Variants in FER observed in about 807,000 individuals in gnomAD.
FER encodes tyrosine-protein kinase Fer.
Under a neutral mutation model 111.0 loss-of-function variants are expected in FER, and 63 were observed. The ratio of observed to expected loss-of-function variants is 0.57; its 90% CI spans 0.46 to 0.70. The LOEUF (loss-of-function observed/expected upper bound fraction) is 0.70, where lower values mean the gene tolerates loss of function less well. Ranked by LOEUF, FER falls within the 30% of genes least tolerant of loss-of-function variation. The pLI, the probability that FER is intolerant of heterozygous loss-of-function variation, is 0.00. For synonymous variants in FER, 327 were observed against 313.9 expected, an observed-to-expected ratio of 1.04 and a Z score of -0.44; for missense variants, 914 against 954.0, an observed-to-expected ratio of 0.96 and a Z score of 0.55.
In FER at chr5:108,998,171, C is replaced by G. The variant is rs569943618; in HGVS notation, c.1656+38824C>G. ...TTCTGTCTTGCTGGCGTTCCAGGCA[C>G]CACCGGGGTATGAAAAAAAAAAAAA... is the stretch of plus-strand genomic sequence containing the variant. On this transcript the variant is annotated intron_variant, in intron 13 of 19. Transcript: ENST00000281092. Among the ~76,000 whole-genome samples, 10 of 147,484 alleles carry G rather than the reference C, an allele frequency of 6.8e-5. No homozygotes were observed. The South Asian group carries it at 2.2e-3, about 33-fold the overall frequency.
chr5:109,072,953 A>G (rs1775934447), intron 16 of FER, among the ~76,000 whole-genome samples: 1 of 152,104 alleles, frequency 6.6e-6, no homozygotes, highest in Admixed American at 6.6e-5. Context: ...CTGCAATCAC[A>G]TAGCCTTCTT....
At chr5:108,879,701 A>AAAAATATATATATATATATATATATAT in intron 8 of FER, among the ~76,000 whole-genome samples, 5 of 99,128 alleles carry the variant, frequency 5.0e-5, no homozygotes, top group African/African-American at 2.4e-4. Context: ...ATTAAAAAAA[A>AAAAATATATATATATATATATATATAT]ATATATATAT....
At chr5:108,781,594 T>A (rs1346713349) in intron 2 of FER, among the ~76,000 whole-genome samples, 3 of 152,208 alleles carry the variant, frequency 2.0e-5, no homozygotes, top group Non-Finnish European at 4.4e-5. Context: ...TTTAGTAATG[T>A]GGCAGTAAGG....
intron 10 of FER, among the ~76,000 whole-genome samples, chr5:108,939,654 GA>G (rs1275669089): frequency 6.6e-6 from 1 of 151,820 alleles, no homozygotes; most frequent in Non-Finnish European, 1.5e-5. Flanking sequence ...CTCCTGGTTG[GA>G]TTTTATTAGC....
intron 5 of FER, among the ~76,000 whole-genome samples, chr5:108,837,614 G>C (rs978717811): frequency 2.6e-5 from 4 of 152,074 alleles, no homozygotes; most frequent in Admixed American, 6.5e-5. Flanking sequence ...AGAATTATTA[G>C]TTAGAAAAAG....
chr5:108,858,049 T>A lies in FER; in HGVS notation c.482-9718T>A, dbSNP rs186844478. On this transcript the variant is annotated intron_variant, in intron 5 of 19. Transcript: ENST00000281092. ...TGCTAGTGGAGTATCTTATTCTAGG[T>A]CCTGTTAATTGACAGACACAGGAAA... is the stretch of plus-strand genomic sequence containing the variant. 2.8e-4 allele frequency among the ~76,000 whole-genome samples: 42 copies of A among 152,300 alleles called. 1 individual carries two copies. Among genetic ancestry groups the A allele is most frequent in the African/African-American group, 9.9e-4 (41 of 41,570 alleles).
chr5:108,909,848 G>C (rs902173262), intron 10 of FER, among the ~76,000 whole-genome samples: 7 of 150,916 alleles, frequency 4.6e-5, no homozygotes, highest in African/African-American at 1.7e-4. Context: ...AACTTTTTAT[G>C]TTGGATAAAT....
At chr5:108,886,459 A>T (rs1747184485) in intron 9 of FER, among the ~76,000 whole-genome samples, 1 of 149,322 alleles carries the variant, frequency 6.7e-6, no homozygotes, top group African/African-American at 2.5e-5. Flanking sequence ...TATGTAACAT[A>T]CATAAATGTA....
chr5:108,957,584 A>G (rs1252599670), intron 12 of FER, among the ~76,000 whole-genome samples: 1 of 151,680 alleles, frequency 6.6e-6, no homozygotes, highest in Non-Finnish European at 1.5e-5. Context: ...CATATGATCT[A>G]GCAATCCCAC....
intron 13 of FER, among the ~76,000 whole-genome samples, chr5:109,018,768 A>G (rs571071414): frequency 6.6e-6 from 1 of 151,926 alleles, no homozygotes; most frequent in East Asian, 1.9e-4. Flanking sequence ...CAAGTTCTGT[A>G]AGCAAAATAT....
At chr5:108,905,166 A>G (rs1397973150) in intron 10 of FER, among the ~76,000 whole-genome samples, 1 of 152,096 alleles carries the variant, frequency 6.6e-6, no homozygotes, top group Non-Finnish European at 1.5e-5. Flanking sequence ...ACTCTTTTTC[A>G]TTAGGCCACA....
chr5:109,000,873 C>A (rs1273629981), intron 13 of FER, among the ~76,000 whole-genome samples: 2 of 152,172 alleles, frequency 1.3e-5, no homozygotes, highest in Non-Finnish European at 2.9e-5. Flanking sequence ...ATACTATAAA[C>A]ACCTCTACGC....
chr5:108,953,336 T>C (rs1182625944), intron 11 of FER, among the ~76,000 whole-genome samples: 2 of 152,016 alleles, frequency 1.3e-5, no homozygotes, highest in Non-Finnish European at 2.9e-5. Flanking sequence ...TTAAATATGA[T>C]ACAATATTAT....
At chr5:109,162,077 A>G (rs1479781533) in intron 17 of FER, among the ~76,000 whole-genome samples, 2 of 151,922 alleles carry the variant, frequency 1.3e-5, no homozygotes, top group Admixed American at 6.6e-5. Flanking sequence ...CATGTCCTAT[A>G]CCTACTTTTT....
chr5:109,138,768 C>T (rs1753183886), intron 17 of FER, among the ~76,000 whole-genome samples: 1 of 152,158 alleles, frequency 6.6e-6, no homozygotes, highest in African/African-American at 2.4e-5. Flanking sequence ...ACTATTACAG[C>T]TATTCCAGAA....
intron 13 of FER, among the ~76,000 whole-genome samples, chr5:108,981,514 A>G (rs189745982): frequency 2.0e-5 from 3 of 152,234 alleles, no homozygotes; most frequent in Admixed American, 6.5e-5. Context: ...GGTAAACAAT[A>G]AAAGTGTAAA....
chr5:109,119,612 T>TA (rs543036982), intron 17 of FER, among the ~76,000 whole-genome samples: 1 of 152,178 alleles, frequency 6.6e-6, no homozygotes, highest in African/African-American at 2.4e-5. Context: ...AGTGGGGTGT[T>TA]AAAGTCTCCT....
At chr5:109,058,605 C>G (rs1013326956) in intron 16 of FER, among the ~76,000 whole-genome samples, 1 of 150,810 alleles carries the variant, frequency 6.6e-6, no homozygotes, top group South Asian at 2.1e-4. Context: ...TTTGAATCCT[C>G]TAGTCTTATA....
chr5:109,016,270 A>G (rs766351182), intron 13 of FER, among the ~76,000 whole-genome samples: 50 of 151,738 alleles, frequency 3.3e-4, no homozygotes, highest in Non-Finnish European at 6.3e-4. Context: ...ATCCATCCCA[A>G]TTCTATAGGC....
Sources: gnomAD v4.1 joint callset for allele counts (sites outside exome capture counted in the v4.1 genomes callset) on GRCh38, gnomAD v4.1.1 for gene constraint, MANE v1.5 for transcripts, NCBI Gene and HGNC (gene_info 2026-07-23, HGNC 2026-07-21) for gene names.